BRINP1: variants seen among roughly 807,000 people sequenced by gnomAD.
BRINP1 encodes BMP/retinoic acid inducible neural specific 1, also known as BMP/retinoic acid-inducible neural-specific protein 1.
A neutral mutation model predicts 72.9 loss-of-function variants in BRINP1; 17 were observed. That is an observed-to-expected ratio of 0.23 (90% CI 0.16 to 0.35). The LOEUF (loss-of-function observed/expected upper bound fraction) is 0.35, where lower values mean the gene tolerates loss of function less well. BRINP1 is among the 10% of genes least tolerant of loss of function. The pLI is 1.00. For missense variants in BRINP1, 850 were observed against 1,001.6 expected, an observed-to-expected ratio of 0.85 and a Z score of 2.04; for synonymous variants, 418 against 378.5, an observed-to-expected ratio of 1.10 and a Z score of -1.21.
At chr9:119,226,336 G>C (rs990655675) in intron 5 of BRINP1, among the ~76,000 whole-genome samples, 2 of 151,972 alleles carry the variant, frequency 1.3e-5, no homozygotes, top group Non-Finnish European at 2.9e-5. Context: ...GATCGACAAG[G>C]AATCTAATGG....
At chr9:119,306,976 T>G (rs921733468) in intron 2 of BRINP1, among the ~76,000 whole-genome samples, 4 of 152,116 alleles carry the variant, frequency 2.6e-5, no homozygotes, top group Non-Finnish European at 5.9e-5. Flanking sequence ...TTTATTCAAA[T>G]ATTCTTCCCA....
chr9:119,308,750 A>T (rs749078907), intron 2 of BRINP1, among the ~76,000 whole-genome samples: 1 of 152,232 alleles, frequency 6.6e-6, no homozygotes, highest in African/African-American at 2.4e-5. Context: ...ATATATTTAC[A>T]GCTCAAAGGG....
intron 3 of BRINP1, among the ~76,000 whole-genome samples, chr9:119,244,881 G>A (rs923502300): frequency 6.6e-6 from 1 of 152,156 alleles, no homozygotes; most frequent in Non-Finnish European, 1.5e-5. Flanking sequence ...CCTTGTTTCA[G>A]AGGTGAAGAA....
At chr9:119,364,207 G>A (rs896074464) in intron 1 of BRINP1, among the ~76,000 whole-genome samples, 7 of 152,158 alleles carry the variant, frequency 4.6e-5, no homozygotes, top group Admixed American at 2.0e-4. Context: ...CATAATATTC[G>A]AAGAACTGAA....
intron 2 of BRINP1, among the ~76,000 whole-genome samples, chr9:119,308,662 A>G (rs1831024923): frequency 6.6e-6 from 1 of 152,144 alleles, no homozygotes; most frequent in African/African-American, 2.4e-5. Flanking sequence ...GATCTATACA[A>G]CTCTGAAATA....
chr9:119,356,864 G>A (rs1831572982), intron 1 of BRINP1, among the ~76,000 whole-genome samples: 1 of 151,966 alleles, frequency 6.6e-6, no homozygotes, highest in Admixed American at 6.6e-5. Context: ...TCATAAAAGG[G>A]TATACTCAAT....
intron 5 of BRINP1, among the ~76,000 whole-genome samples, chr9:119,237,968 T>A (rs971480874): frequency 6.6e-5 from 10 of 152,186 alleles, no homozygotes; most frequent in African/African-American, 2.2e-4. Flanking sequence ...CCTATTTTTA[T>A]TATCTCTTTA....
At chr9:119,322,737 G>A (rs925749648) in intron 1 of BRINP1, among the ~76,000 whole-genome samples, 12 of 152,110 alleles carry the variant, frequency 7.9e-5, no homozygotes, top group African/African-American at 2.7e-4. Flanking sequence ...TCTCAAATCT[G>A]CTTCTCCAGA....
At chr9:119,203,096 G>T (rs553927778) in intron 7 of BRINP1, among the ~76,000 whole-genome samples, 8 of 152,006 alleles carry the variant, frequency 5.3e-5, no homozygotes, top group Non-Finnish European at 1.0e-4. Context: ...ACCTTGACGA[G>T]CAAACCCTGC....
chr9:119,169,768 A>G (rs1467462232), intron 7 of BRINP1, among the ~76,000 whole-genome samples: 3 of 152,234 alleles, frequency 2.0e-5, no homozygotes, highest in Non-Finnish European at 4.4e-5. Flanking sequence ...TTCTCCCAGC[A>G]TGCAGCTGGA....
At chr9:119,209,033 C>T in intron 6 of BRINP1, 92 bp from the exon 7 acceptor site, 3 of 1,027,280 alleles carry the variant, frequency 2.9e-6, no homozygotes, top group Non-Finnish European at 4.4e-6. Flanking sequence ...TTCCAATAAA[C>T]CAGGCCTGCA....
At chr9:119,299,355 T>G (rs768459422) in intron 2 of BRINP1, among the ~76,000 whole-genome samples, 2 of 152,198 alleles carry the variant, frequency 1.3e-5, no homozygotes, top group Non-Finnish European at 2.9e-5. Context: ...GGCTCATGCC[T>G]GTAATCCCAG....
At chr9:119,317,080 A>G (rs1439339654) in intron 1 of BRINP1, among the ~76,000 whole-genome samples, 1 of 149,326 alleles carries the variant, frequency 6.7e-6, no homozygotes, top group African/African-American at 2.6e-5. Context: ...ACAGAGTGAC[A>G]TTCCATCTCA....
intron 2 of BRINP1, among the ~76,000 whole-genome samples, chr9:119,269,531 CCT>C (rs1564234118): frequency 6.6e-6 from 1 of 152,152 alleles, no homozygotes; most frequent in African/African-American, 2.4e-5. Flanking sequence ...TACCCCCACC[CCT>C]GTTTAAAACT....
At chr9:119,238,632 C>A in intron 5 of BRINP1, 23 bp downstream of exon 5, 1 of 1,515,048 alleles carries the variant, frequency 6.6e-7, no homozygotes, top group Non-Finnish European at 9.1e-7. Context: ...CAACTGACCC[C>A]ACTTTTTCCA....
intron 3 of BRINP1, among the ~76,000 whole-genome samples, chr9:119,244,219 C>T (rs941485760): frequency 2.6e-5 from 4 of 152,186 alleles, no homozygotes; most frequent in African/African-American, 7.2e-5. Context: ...TGGTAAAGCA[C>T]TTGGCGTTTG....
chr9:119,364,447 T>C (rs553259198), intron 1 of BRINP1, among the ~76,000 whole-genome samples: 1 of 152,334 alleles, frequency 6.6e-6, no homozygotes, highest in South Asian at 2.1e-4. Flanking sequence ...AGTTTGGTCA[T>C]TGAGAAACCT....
At chr9:119,255,666 A>T (rs1830438456) in intron 2 of BRINP1, among the ~76,000 whole-genome samples, 1 of 152,152 alleles carries the variant, frequency 6.6e-6, no homozygotes, top group Non-Finnish European at 1.5e-5. Flanking sequence ...CGAGACAGAA[A>T]GGAGAGGCCA....
At chr9:119,276,546 T>C (rs1830659866) in intron 2 of BRINP1, among the ~76,000 whole-genome samples, 1 of 152,222 alleles carries the variant, frequency 6.6e-6, no homozygotes, top group Non-Finnish European at 1.5e-5. Context: ...TTCTATACTG[T>C]CCATAAACCA....
Sources: allele counts gnomAD v4.1 joint callset (sites outside exome capture counted in the v4.1 genomes callset), GRCh38; gene constraint gnomAD v4.1.1; transcripts MANE v1.5; gene names NCBI Gene and HGNC (gene_info 2026-07-23, HGNC 2026-07-21).